Variants in CLEC16A observed in about 807,000 individuals in gnomAD.
CLEC16A encodes the protein protein CLEC16A.
In CLEC16A, 51 loss-of-function variants were observed where a neutral mutation model predicts 109.5. That is an observed-to-expected ratio of 0.47 (90% confidence interval 0.37 to 0.59). CLEC16A has a LOEUF of 0.59. Ranked by LOEUF, CLEC16A falls within the 20% of genes least tolerant of loss-of-function variation. CLEC16A has a pLI of 0.00. For missense variants in CLEC16A, 1,339 were observed against 1,394.0 expected (o/e 0.96, Z 0.63); for synonymous variants, 673 against 564.2 (o/e 1.19, Z -2.73).
At chr16:11,106,743 C>T (rs1330514328) in intron 19 of CLEC16A, among the ~76,000 whole-genome samples, 1 of 152,032 alleles carries the variant, frequency 6.6e-6, no homozygotes, top group African/African-American at 2.4e-5. Context: ...GGCCTCAGTA[C>T]CCTTCTCCCC....
At chr16:11,114,128 C>CGTGTGTGTGTGTGTGTGTGTGT (rs3030600) in intron 19 of CLEC16A, among the ~76,000 whole-genome samples, 13 of 127,248 alleles carry the variant, frequency 1.0e-4, no homozygotes, top group African/African-American at 2.5e-4. Context: ...TGAGGATGGC[C>CGTGTGTGTGTGTGTGTGTGTGT]GTGTGTGTGT....
At chr16:11,029,029 G>C (rs968058683) in intron 13 of CLEC16A, among the ~76,000 whole-genome samples, 3 of 152,064 alleles carry the variant, frequency 2.0e-5, no homozygotes, top group African/African-American at 7.2e-5. Context: ...TTTTTGATTG[G>C]TTGACAGTTA....
chr16:11,160,870 C>T, intron 22 of CLEC16A, among the ~76,000 whole-genome samples: 1 of 152,186 alleles, frequency 6.6e-6, no homozygotes, highest in East Asian at 1.9e-4. Context: ...CCAGCCATTG[C>T]ATCCATTTTC....
chr16:11,053,940 C>T (rs2048078140), intron 18 of CLEC16A, among the ~76,000 whole-genome samples: 1 of 152,196 alleles, frequency 6.6e-6, no homozygotes, highest in African/African-American at 2.4e-5. Context: ...TCATGTGGCT[C>T]AGGCCATTAT....
At chr16:11,168,167 A>C (rs890334494) in intron 23 of CLEC16A, among the ~76,000 whole-genome samples, 1 of 152,184 alleles carries the variant, frequency 6.6e-6, no homozygotes, top group African/African-American at 2.4e-5. Context: ...ATGGATGTCT[A>C]CCTGAATGTG....
At chr16:10,979,119 G>C (rs772785427) in intron 8 of CLEC16A, among the ~76,000 whole-genome samples, 25 of 152,148 alleles carry the variant, frequency 1.6e-4, no homozygotes, top group Non-Finnish European at 2.9e-4. Context: ...TTTCTCAGAT[G>C]GAAAAATAGT....
rs149115934 is a variant in CLEC16A at position 11,093,177 on chromosome 16, G to A, written c.2117-27438G>A. Among the ~76,000 whole-genome samples the A allele has an allele frequency of 1.5e-3, 223 of 152,318 alleles. 1 individual carries two copies. Among genetic ancestry groups the A allele is most frequent in the Middle Eastern group, 0.01 (3 of 294 alleles). The stretch of plus-strand genomic sequence containing the variant: ...CATGGTGTGCACCCTCATCTCTTAT[G>A]AATTCAGCTAGACCTGCTCAGCACA... On this transcript the variant is annotated intron_variant, in intron 19 of 23. Coordinates refer to ENST00000409790, the MANE Select transcript of CLEC16A (RefSeq NM_015226.3).
intron 19 of CLEC16A, among the ~76,000 whole-genome samples, chr16:11,102,606 C>T (rs1597388947): frequency 6.6e-6 from 1 of 152,208 alleles, no homozygotes; most frequent in African/African-American, 2.4e-5. Context: ...GTCCCAACCG[C>T]TTCATTTGAG....
chr16:11,104,124 T>A (rs969198800), intron 19 of CLEC16A, among the ~76,000 whole-genome samples: 1 of 152,142 alleles, frequency 6.6e-6, no homozygotes, highest in African/African-American at 2.4e-5. Flanking sequence ...GGGGGGTTTT[T>A]TTGAGACAAG....
chr16:11,123,895 C>T lies in CLEC16A; in HGVS notation c.2422C>T (p.Leu808=). ...HIRCIIAKQR[L]AKGRIQARRM... ...CCGCTGCATCATCGCCAAGCAGCGCCTGGCCAAAGGCCGCATCCAGGCAAG... is the reference window on the plus strand; with the variant it reads ...CCGCTGCATCATCGCCAAGCAGCGCTTGGCCAAAGGCCGCATCCAGGCAAG... The change falls in exon 21 of 24, where the codon CTG becomes TTG. Residue 808 remains leucine, a synonymous_variant. Coordinates refer to ENST00000409790, the MANE Select transcript of CLEC16A (RefSeq NM_015226.3). The T allele has an allele frequency of 6.2e-7, 1 of 1,613,918 alleles. No individual in the cohort carries two copies. Among genetic ancestry groups the T allele is most frequent in the Non-Finnish European group, 8.5e-7 (1 of 1,179,888 alleles).
chr16:11,169,864 C>T (rs1383681474), intron 23 of CLEC16A, among the ~76,000 whole-genome samples: 1 of 152,182 alleles, frequency 6.6e-6, no homozygotes, highest in African/African-American at 2.4e-5. Context: ...AGTAGATACT[C>T]CTCCTGAAAT....
intron 4 of CLEC16A, among the ~76,000 whole-genome samples, chr16:10,970,600 G>A (rs745619673): frequency 2.8e-4 from 42 of 152,110 alleles, no homozygotes; most frequent in Admixed American, 2.0e-4. Flanking sequence ...ATGAGGTCTC[G>A]TCACATTGCC....
rs776478041 is a variant in CLEC16A, at chr16:11,060,943, A to G, written c.2037A>G (p.Gln679=). Residue 679 remains glutamine, a synonymous_variant, in exon 19 of 24, where the codon CAA becomes CAG. Coordinates refer to ENST00000409790, the MANE Select transcript of CLEC16A (RefSeq NM_015226.3). Reference sequence around the variant, plus strand: ...TCATGCTGCGTTCCCTGTCACTGCAATTGCGAGGGGAGCCTGAGACACAGT... The same window carrying G: ...TCATGCTGCGTTCCCTGTCACTGCAGTTGCGAGGGGAGCCTGAGACACAGT... ...VFFMLRSLSL[Q]LRGEPETQLP... The G allele has an allele frequency of 3.1e-6, 5 of 1,612,734 alleles. No homozygotes were observed. The highest frequency in any genetic ancestry group is 2.2e-5 in the East Asian group (1 of 44,820).
At chr16:11,096,330 G>A (rs2050609760) in intron 19 of CLEC16A, among the ~76,000 whole-genome samples, 1 of 152,104 alleles carries the variant, frequency 6.6e-6, no homozygotes, top group Non-Finnish European at 1.5e-5. Flanking sequence ...GGGTGACAGA[G>A]TGAGACCCTG....
At chr16:10,970,989 T>TA (rs1426900831) in intron 4 of CLEC16A, 136 bp from the exon 5 acceptor site, 1 of 626,500 alleles carries the variant, frequency 1.6e-6, no homozygotes, top group Admixed American at 3.0e-5. Context: ...ACCACTGACT[T>TA]ACGGTTCACA....
intron 13 of CLEC16A, among the ~76,000 whole-genome samples, chr16:11,032,889 A>G (rs1338934234): frequency 1.3e-5 from 2 of 152,152 alleles, no homozygotes; most frequent in Non-Finnish European, 2.9e-5. Flanking sequence ...TCCAAGTGCA[A>G]TGGGAAACCC....
At chr16:11,134,195 T>A (rs1004487554) in intron 22 of CLEC16A, among the ~76,000 whole-genome samples, 17 of 151,498 alleles carry the variant, frequency 1.1e-4, no homozygotes, top group Middle Eastern at 3.4e-3. Context: ...TTTTTTTTTT[T>A]TTTTTTTTTG....
intron 19 of CLEC16A, among the ~76,000 whole-genome samples, chr16:11,109,492 C>G (rs1297597070): frequency 6.6e-6 from 1 of 152,158 alleles, no homozygotes; most frequent in Non-Finnish European, 1.5e-5. Flanking sequence ...AGAACCAAAG[C>G]CTGGAATGGT....
At chr16:11,086,305 G>A (rs191582229) in intron 19 of CLEC16A, among the ~76,000 whole-genome samples, 2 of 152,258 alleles carry the variant, frequency 1.3e-5, no homozygotes, top group South Asian at 2.1e-4. Context: ...ATCCCCACTC[G>A]CTACCTCTGT....
Sources: allele counts gnomAD v4.1 joint callset (sites outside exome capture counted in the v4.1 genomes callset), GRCh38; gene constraint gnomAD v4.1.1; transcripts MANE v1.5; gene names NCBI Gene and HGNC (gene_info 2026-07-23, HGNC 2026-07-21).